P4HA1: variants seen among roughly 807,000 people sequenced by gnomAD.
P4HA1 encodes the protein prolyl 4-hydroxylase subunit alpha-1.
In P4HA1, 24 loss-of-function variants were observed where a neutral mutation model predicts 72.8. The ratio of observed to expected loss-of-function variants is 0.33; its 90% confidence interval spans 0.24 to 0.46. P4HA1 has a LOEUF of 0.46. Ranked by LOEUF, P4HA1 falls within the 20% of genes least tolerant of loss-of-function variation. The pLI is 1.00. For synonymous variants in P4HA1, 201 were observed against 218.8 expected (o/e 0.92, Z 0.72); for missense variants, 446 against 640.6 (o/e 0.70, Z 3.28).
chr10:73,043,989 T>C (rs201026143), intron 9 of P4HA1: 92 of 1,545,338 alleles, frequency 6.0e-5, no homozygotes, highest in Non-Finnish European at 7.7e-5. Flanking sequence ...AAGGACTTAC[T>C]CCAGTAGCAG....
chr10:73,015,526 C>T (rs1026570947), intron 11 of P4HA1, among the ~76,000 whole-genome samples: 1 of 152,192 alleles, frequency 6.6e-6, no homozygotes, highest in African/African-American at 2.4e-5. Context: ...ATGCCCCAGC[C>T]AGGATGGAAA....
At chr10:73,020,702 A>G (rs1399115018) in intron 10 of P4HA1, among the ~76,000 whole-genome samples, 3 of 152,230 alleles carry the variant, frequency 2.0e-5, no homozygotes, top group African/African-American at 7.2e-5. Flanking sequence ...CTAGCAGCAC[A>G]TCAAAAAGTT....
intron 10 of P4HA1, among the ~76,000 whole-genome samples, chr10:73,022,295 G>A (rs866565603): frequency 8.5e-5 from 13 of 152,172 alleles, no homozygotes; most frequent in South Asian, 6.2e-4. Context: ...GCTTCCAGAG[G>A]AAGGATCAGG....
At chr10:73,046,854 T>A in intron 8 of P4HA1, 71 bp downstream of exon 8, 1 of 1,177,620 alleles carries the variant, frequency 8.5e-7, no homozygotes, top group Non-Finnish European at 1.2e-6. Flanking sequence ...TCAATTATCC[T>A]ATTTTTTTAC....
chr10:73,008,826 A>AT (rs10649250), intron 14 of P4HA1, among the ~76,000 whole-genome samples: 17,684 of 148,982 alleles, frequency 0.12, 1,508 homozygotes, highest in East Asian at 0.29. Flanking sequence ...TTAATTTTCT[A>AT]TTTTTTTTTT....
chr10:73,094,484 A>T (rs1401999816), intron 1 of P4HA1, among the ~76,000 whole-genome samples: 2 of 152,168 alleles, frequency 1.3e-5, no homozygotes, highest in Non-Finnish European at 1.5e-5. Flanking sequence ...TCAGATTCTC[A>T]AAGGATTTCA....
chr10:73,030,374 A>G lies in P4HA1; in HGVS notation c.1149-4T>C, dbSNP rs1432896802. The stretch of plus-strand genomic sequence containing the variant: ...TTCATAGCCAGAGAGCCAGGCACTA[A>G]GAATAAGAGGAATATTAGTTTTATT... On this transcript the variant is annotated splice_region_variant and splice_polypyrimidine_tract_variant and intron_variant, in intron 9 of 14. Coordinates refer to ENST00000394890, the MANE Select transcript of P4HA1 (RefSeq NM_001017962.3). 1 of 1,487,370 alleles carries G rather than the reference A, an allele frequency of 6.7e-7. No homozygotes were observed. 92.1% of individuals were successfully genotyped at this position (1,487,370 alleles called of 1,614,324 possible).
intron 1 of P4HA1, among the ~76,000 whole-genome samples, chr10:73,090,247 T>C (rs1477779452): frequency 6.6e-6 from 1 of 152,152 alleles, no homozygotes; most frequent in Non-Finnish European, 1.5e-5. Context: ...TCCTCCTGCC[T>C]CGGCCTCCCA....
At chr10:73,043,708 A>G (rs41307520) in intron 9 of P4HA1, among the ~76,000 whole-genome samples, 537 of 152,330 alleles carry the variant, frequency 3.5e-3, no homozygotes, top group Admixed American at 6.2e-3. Context: ...GAAAACCCCT[A>G]TTAACTGCCC....
intron 10 of P4HA1, among the ~76,000 whole-genome samples, chr10:73,020,710 G>A (rs77424237): frequency 0.068 from 10,392 of 152,204 alleles, 607 homozygotes; most frequent in East Asian, 0.29. Context: ...ACATCAAAAA[G>A]TTAATTTACT....
Position 73,069,050 on chromosome 10 carries a change from A to G in P4HA1, c.326-67T>C, listed in dbSNP as rs1462154825. The G allele has an allele frequency of 4.2e-6, 5 of 1,189,892 alleles. No homozygotes were observed. In the African/African-American group the frequency reaches 6.2e-5, roughly 15 times the overall value. The allele number at this position is 1,189,892 out of a possible 1,614,324, so 73.7% of individuals were successfully genotyped here. A position where few individuals can be genotyped will look rare whatever the true frequency, so the allele number is the denominator to read the frequency against. On this transcript the variant is annotated intron_variant, in intron 4 of 14. Coordinates refer to ENST00000394890, the MANE Select transcript of P4HA1 (RefSeq NM_001017962.3). Reference sequence around the variant, plus strand: ...CATAAACTTCCCATAAAGAGACTTAATAAGGATTGTTCAAAATCTATTTTA... The same window carrying G: ...CATAAACTTCCCATAAAGAGACTTAGTAAGGATTGTTCAAAATCTATTTTA...
intron 10 of P4HA1, among the ~76,000 whole-genome samples, chr10:73,023,615 CATA>C (rs1276195626): frequency 6.6e-6 from 1 of 152,092 alleles, no homozygotes; most frequent in East Asian, 1.9e-4. Flanking sequence ...CAGCGAACAT[CATA>C]ATGACAGGAT....
intron 9 of P4HA1, among the ~76,000 whole-genome samples, chr10:73,040,987 T>C (rs943860158): frequency 6.6e-6 from 1 of 152,212 alleles, no homozygotes; most frequent in Non-Finnish European, 1.5e-5. Flanking sequence ...ATCGGGTTAA[T>C]TGCAATGTTC....
At chr10:73,041,542 C>G (rs368093925) in intron 9 of P4HA1, among the ~76,000 whole-genome samples, 1 of 146,442 alleles carries the variant, frequency 6.8e-6, no homozygotes, top group African/African-American at 2.7e-5. Context: ...GACTCCATCC[C>G]CCCCCCAAAA....
chr10:73,054,201 C>T (rs1178486279), intron 5 of P4HA1, among the ~76,000 whole-genome samples: 2 of 152,110 alleles, frequency 1.3e-5, no homozygotes, highest in Non-Finnish European at 2.9e-5. Flanking sequence ...CCACCGCGCC[C>T]GGCCACCATA....
At chr10:73,044,560 C>A (rs1490684467) in intron 9 of P4HA1, among the ~76,000 whole-genome samples, 1 of 152,066 alleles carries the variant, frequency 6.6e-6, no homozygotes, top group East Asian at 1.9e-4. Context: ...AACGTAATCA[C>A]CATGAAGGAG....
intron 7 of P4HA1, 66 bp from the exon 8 acceptor site, chr10:73,047,167 T>C (rs892295965): frequency 3.5e-6 from 4 of 1,129,740 alleles, no homozygotes; most frequent in South Asian, 1.3e-5. Flanking sequence ...TCTATTCCTA[T>C]GCAGATAAGA....
At chr10:73,038,343 T>C (rs1038352866) in intron 9 of P4HA1, among the ~76,000 whole-genome samples, 1 of 152,144 alleles carries the variant, frequency 6.6e-6, no homozygotes, top group Non-Finnish European at 1.5e-5. Context: ...ATAAATACCG[T>C]ATTGTAGGAA....
chr10:73,050,098 G>A (rs574211833), intron 7 of P4HA1, among the ~76,000 whole-genome samples: 108 of 151,856 alleles, frequency 7.1e-4, no homozygotes, highest in African/African-American at 2.3e-3. Context: ...CCCAGGAGGC[G>A]GAGGTTGCAG....
Sources: gnomAD v4.1 joint callset for allele counts (sites outside exome capture counted in the v4.1 genomes callset) on GRCh38, gnomAD v4.1.1 for gene constraint, MANE v1.5 for transcripts, NCBI Gene and HGNC (gene_info 2026-07-23, HGNC 2026-07-21) for gene names.